Variants in SEPTIN2 observed in about 807,000 individuals in gnomAD.
SEPTIN2 encodes septin-2.
In SEPTIN2, 34 loss-of-function variants were observed where a neutral mutation model predicts 46.5. The observed-to-expected ratio is 0.73, with a 90% CI of 0.56 to 0.97. The LOEUF is 0.97. Ranked by LOEUF, SEPTIN2 falls within the 50% of genes least tolerant of loss-of-function variation. The probability of loss-of-function intolerance (pLI) is 0.00; values close to 1 mark genes in which losing one functional copy is unlikely to be tolerated. For synonymous variants in SEPTIN2, 175 were observed against 153.4 expected (o/e 1.14, Z -1.04); for missense variants, 347 against 448.4 (o/e 0.77, Z 2.04).
intron 7 of SEPTIN2, among the ~76,000 whole-genome samples, chr2:241,339,539 A>G (rs993345826): frequency 7.9e-5 from 12 of 152,236 alleles, no homozygotes; most frequent in East Asian, 3.9e-4. Context: ...AAGCATCCTC[A>G]TATATATACT....
intron 10 of SEPTIN2, 83 bp from the exon 11 acceptor site, chr2:241,348,051 A>T: frequency 9.2e-7 from 1 of 1,084,086 alleles, no homozygotes; most frequent in Non-Finnish European, 1.4e-6. Flanking sequence ...ATGTCATTTT[A>T]AATTTTAAAG....
At position 241,324,313 on chromosome 2, in the gene SEPTIN2, G is replaced by T. The variant is rs891483615; in HGVS notation, c.9+72G>T. ...ATGTTTTCAGACTGTTGACAGTCGG[G>T]ACTTATATGATTCATTATTTTTAAT... On this transcript the variant is annotated intron_variant, in intron 2 of 12. Coordinates refer to ENST00000391971, the MANE Select transcript of SEPTIN2 (RefSeq NM_004404.5). 17 of 1,188,350 alleles carry T rather than the reference G, an allele frequency of 1.4e-5. No homozygotes were observed. In the African/African-American group the frequency reaches 2.0e-4, roughly 14 times the overall value. 73.6% of individuals were successfully genotyped at this position (1,188,350 alleles called of 1,614,324 possible).
At chr2:241,335,760 T>C in intron 4 of SEPTIN2, 2 of 599,248 alleles carry the variant, frequency 3.3e-6, no homozygotes, top group South Asian at 2.2e-5. Context: ...TTTTTAACAT[T>C]TGTGTTTTTA....
chr2:241,326,040 A>T lies in SEPTIN2; in HGVS notation c.57A>T (p.Gly19=). ...FINPETPGYV[G]FANLPNQVHR... ...ATCCAGAAACACCTGGCTATGTTGG[A>T]TTTGCAAACCTCCCCAATCAAGTTC... Residue 19 remains glycine (G), a synonymous_variant, in exon 3 of 13, where the codon GGA becomes GGT. Coordinates refer to ENST00000391971, the MANE Select transcript of SEPTIN2 (RefSeq NM_004404.5). The T allele has an allele frequency of 6.2e-7, 1 of 1,613,920 alleles. No individual in the cohort carries two copies. The highest frequency in any genetic ancestry group is 8.5e-7 in the Non-Finnish European group (1 of 1,179,890).
intron 7 of SEPTIN2, among the ~76,000 whole-genome samples, chr2:241,338,711 T>C (rs1276629254): frequency 9.4e-6 from 1 of 106,544 alleles, no homozygotes; most frequent in Non-Finnish European, 1.8e-5. Context: ...ATTTATATTA[T>C]TTATATAATA....
intron 1 of SEPTIN2, chr2:241,318,319 A>T (rs539446936): frequency 6.6e-6 from 1 of 152,326 alleles, no homozygotes; most frequent in Admixed American, 6.5e-5. Context: ...TGGGTTTGAA[A>T]TCAGATACAT....
At chr2:241,341,997 C>G (rs2081311876) in intron 7 of SEPTIN2, among the ~76,000 whole-genome samples, 1 of 152,138 alleles carries the variant, frequency 6.6e-6, no homozygotes, top group Admixed American at 6.5e-5. Flanking sequence ...AAGCCCCATC[C>G]CCCACACTAC....
In SEPTIN2 at chr2:241,337,487, C is replaced by G; in HGVS notation, c.447C>G (p.Cys149Trp). Residue 149 changes from cysteine (C) to tryptophan (W), a missense_variant, in exon 6 of 13, where the codon TGC becomes TGG. Transcript: ENST00000391971. ...RHIIDNRVHC[C>W]FYFISPFGHG... ...TCATTGATAATAGGGTGCATTGTTG[C>G]TTTTACTTTATTTCACCTTTTGGAC... 6.2e-7 allele frequency: 1 copy of G among 1,613,872 alleles called. No homozygotes were observed. Among genetic ancestry groups the G allele is most frequent in the Non-Finnish European group, 8.5e-7 (1 of 1,179,960 alleles).
chr2:241,340,027 G>A (rs114729985), intron 7 of SEPTIN2, among the ~76,000 whole-genome samples: 351 of 152,280 alleles, frequency 2.3e-3, no homozygotes, highest in Admixed American at 5.7e-3. Flanking sequence ...TTTCACAATT[G>A]TGTGAGCCAA....
At chr2:241,349,147 G>A (rs2060543119) in intron 11 of SEPTIN2, among the ~76,000 whole-genome samples, 1 of 152,020 alleles carries the variant, frequency 6.6e-6, no homozygotes, top group Admixed American at 6.6e-5. Context: ...ATCACTTCAT[G>A]CCAGGAGTTT....
chr2:241,331,592 T>C (rs1209974502), intron 3 of SEPTIN2, among the ~76,000 whole-genome samples: 2 of 152,204 alleles, frequency 1.3e-5, no homozygotes, highest in African/African-American at 4.8e-5. Context: ...CATTTTGTCA[T>C]ATTGGCCAGG....
intron 1 of SEPTIN2, among the ~76,000 whole-genome samples, chr2:241,321,749 G>A (rs1217748458): frequency 3.3e-5 from 5 of 152,068 alleles, no homozygotes; most frequent in Non-Finnish European, 7.4e-5. Context: ...TTGCTGGTTT[G>A]ATGAAGTTGC....
chr2:241,321,119 A>T (rs1274012300), intron 1 of SEPTIN2, among the ~76,000 whole-genome samples: 1 of 152,112 alleles, frequency 6.6e-6, no homozygotes, highest in East Asian at 1.9e-4. Flanking sequence ...GACTTCAAAC[A>T]TTTTTTAAGG....
Position 241,315,962 on chromosome 2 carries a change from T to A in SEPTIN2, c.-38T>A, listed in dbSNP as rs2076112603. 6.6e-6 allele frequency: 1 copy of A among 152,140 alleles called. No homozygotes were observed. Among genetic ancestry groups the A allele is most frequent in the Non-Finnish European group, 1.5e-5 (1 of 68,112 alleles). 9.4% of individuals were successfully genotyped at this position (152,140 alleles called of 1,614,324 possible). On this transcript the variant is annotated 5_prime_UTR_variant, in exon 1 of 13. Coordinates refer to ENST00000391971, the MANE Select transcript of SEPTIN2 (RefSeq NM_004404.5). ...GTCCGCGGCGCGGTCGGTCGGCGCC[T>A]GTTCTCGGGCTGTTTGGCGGGTGAG...
chr2:241,339,323 G>T (rs1231838415), intron 7 of SEPTIN2, among the ~76,000 whole-genome samples: 2 of 151,008 alleles, frequency 1.3e-5, no homozygotes, highest in Non-Finnish European at 2.9e-5. Flanking sequence ...AACCCAGGAG[G>T]CAGAGGTTGT....
chr2:241,324,076 C>A, intron 1 of SEPTIN2, 140 bp from the exon 2 acceptor site: 1 of 723,448 alleles, frequency 1.4e-6, no homozygotes, highest in Non-Finnish European at 2.3e-6. Flanking sequence ...TTGGAAGGTC[C>A]TGAAATTGTA....
In SEPTIN2 at chr2:241,343,763, A is replaced by G. The variant is rs2081590621; in HGVS notation, c.708A>G (p.Pro236=). ...GTGTCTCTTTCTAGGCTAGCATCCC[A>G]TTCTCTGTGGTTGGATCCAATCAGT... The part of the protein sequence containing the change: ...EQTRLLKASI[P]FSVVGSNQLI... The change falls in exon 9 of 13, where the codon CCA becomes CCG. Residue 236 remains proline, a synonymous_variant. Transcript: ENST00000391971. 6.2e-7 allele frequency: 1 copy of G among 1,613,956 alleles called. No homozygotes were observed.
intron 4 of SEPTIN2, 128 bp downstream of exon 4, chr2:241,335,340 C>G: frequency 1.3e-6 from 2 of 1,553,288 alleles, no homozygotes; most frequent in Non-Finnish European, 1.7e-6. Context: ...ACAAGGAAAA[C>G]ACTTTTATGG....
intron 3 of SEPTIN2, among the ~76,000 whole-genome samples, chr2:241,332,782 A>G (rs1179099184): frequency 1.3e-5 from 2 of 152,270 alleles, no homozygotes; most frequent in East Asian, 1.9e-4. Flanking sequence ...AATATTGCCA[A>G]GCACTACAAA....
Sources: allele counts gnomAD v4.1 joint callset (sites outside exome capture counted in the v4.1 genomes callset), GRCh38; gene constraint gnomAD v4.1.1; transcripts MANE v1.5; gene names NCBI Gene and HGNC (gene_info 2026-07-23, HGNC 2026-07-21).